The following MAP1S variants were observed in gnomAD, a reference collection of about 807,000 sequenced individuals.
MAP1S encodes microtubule-associated protein 1S.
In MAP1S, 27 loss-of-function variants were observed where a neutral mutation model predicts 60.9. That is an observed-to-expected ratio of 0.44 (90% CI 0.33 to 0.61). The LOEUF (loss-of-function observed/expected upper bound fraction) is 0.61, where lower values mean the gene tolerates loss of function less well. Ranked by LOEUF, MAP1S falls within the 20% of genes least tolerant of loss-of-function variation. The pLI, the probability that MAP1S is intolerant of heterozygous loss-of-function variation, is 0.03. For synonymous variants in MAP1S, 826 were observed against 694.2 expected (o/e 1.19, Z -2.98); for missense variants, 1,608 against 1,486.6 (o/e 1.08, Z -1.34).
In MAP1S at chr19:17,720,237, G is replaced by T. The variant is rs906893465; in HGVS notation, c.118+617G>T. 9 of 1,388,212 alleles carry T rather than the reference G, an allele frequency of 6.5e-6. No homozygotes were observed. In the South Asian group the frequency reaches 1.4e-4, roughly 22 times the overall value. 86.0% of individuals were successfully genotyped at this position (1,388,212 alleles called of 1,614,324 possible). Reference sequence around the variant, plus strand: ...CGGGCGTGATGCGCCCGTGGGTGGAGATGGGTGTTCATCCCCCATCCCTCG... The same window carrying T: ...CGGGCGTGATGCGCCCGTGGGTGGATATGGGTGTTCATCCCCCATCCCTCG... On this transcript the variant is annotated intron_variant, in intron 1 of 6. Coordinates refer to ENST00000324096, the MANE Select transcript of MAP1S (RefSeq NM_018174.6).
rs1278387330 is a variant in MAP1S at position 17,726,475 on chromosome 19, A to C, written c.1091A>C (p.Gln364Pro). Residue 364 changes from glutamine to proline, a missense_variant, in exon 5 of 7, where the codon CAG becomes CCG. Around this residue, in one of 4 missense-constraint regions of MAP1S, gnomAD observed 1,167 missense variants for 961.4 expected, o/e 1.21. Coordinates refer to ENST00000324096, the MANE Select transcript of MAP1S (RefSeq NM_018174.6). ...GAGCTGGCGCTGAGCCTCCTGGCGC[A>C]GCTGGGCATCACGCCTCTGCCACTC... The part of the protein sequence containing the change: ...EAELALSLLA[Q>P]LGITPLPLSR... 6.5e-7 allele frequency: 1 copy of C among 1,549,746 alleles called. No homozygotes were observed. Among genetic ancestry groups the C allele is most frequent in the Non-Finnish European group, 8.7e-7 (1 of 1,152,818 alleles).
Position 17,726,878 on chromosome 19 carries a change from C to G in MAP1S, c.1494C>G (p.Arg498=). 1 of 1,556,282 alleles carries G rather than the reference C, an allele frequency of 6.4e-7. No homozygotes were observed. Among genetic ancestry groups the G allele is most frequent in the South Asian group, 1.2e-5 (1 of 84,600 alleles). The part of the protein sequence containing the change: ...LATHPRPGQE[R]PGVARKEPAR... ...CCCACCCTAGACCTGGCCAGGAGCGCCCTGGGGTGGCCCGCAAGGAGCCAG... is the reference window on the plus strand; with the variant it reads ...CCCACCCTAGACCTGGCCAGGAGCGGCCTGGGGTGGCCCGCAAGGAGCCAG... The change falls in exon 5 of 7, where the codon CGC becomes CGG. Residue 498 remains arginine (R), a synonymous_variant. Transcript: ENST00000324096.
rs377292486 is a variant in MAP1S, at chr19:17,727,934, C to G, written c.2550C>G (p.Pro850=). 35 of 1,609,068 alleles carry G rather than the reference C, an allele frequency of 2.2e-5. No homozygotes were observed. In the South Asian group the frequency reaches 3.3e-4, roughly 15 times the overall value. ...ICMVDPEMLP[P]KTARQTENVS... ...TGGTGGACCCCGAGATGCTGCCCCC[C>G]AAGACAGCACGGCAAACGGAGAACG... is the stretch of plus-strand genomic sequence containing the variant. The change falls in exon 5 of 7, where the codon CCC becomes CCG. Residue 850 remains proline, a synonymous_variant. Transcript: ENST00000324096. The surrounding 1 kb of genome is among the most constrained non-coding windows in gnomAD (Gnocchi z 4.1).
At chr19:17,721,716 A>C (rs1424434264) in intron 2 of MAP1S, among the ~76,000 whole-genome samples, 1 of 152,168 alleles carries the variant, frequency 6.6e-6, no homozygotes, top group African/African-American at 2.4e-5. Flanking sequence ...TGGAAGGTGG[A>C]GGGGCACTGA....
chr19:17,720,618 C>G, intron 1 of MAP1S: 1 of 1,063,818 alleles, frequency 9.4e-7, no homozygotes, highest in Non-Finnish European at 1.3e-6. Flanking sequence ...GATGGACTTC[C>G]AGGCAGGGGA....
intron 6 of MAP1S, among the ~76,000 whole-genome samples, chr19:17,734,009 G>C (rs2080516711): frequency 6.6e-6 from 1 of 152,154 alleles, no homozygotes; most frequent in African/African-American, 2.4e-5. Context: ...GGGGTCTCAG[G>C]CCAAGGAAGG....
chr19:17,729,020 A>G (rs1262976489), intron 5 of MAP1S: 1 of 152,260 alleles, frequency 6.6e-6, no homozygotes, highest in Non-Finnish European at 1.5e-5. Context: ...TAGAAGCCAC[A>G]ATAAGTAAAA....
rs141215671 is a variant in MAP1S, at chr19:17,729,777, C to G, written c.2788+1605C>G. ...TCCCGGGGTCAAGCGATTCTCCTACCTCAGCCTCCCAAGTAGCTGAGATTA... is the reference window on the plus strand; with the variant it reads ...TCCCGGGGTCAAGCGATTCTCCTACGTCAGCCTCCCAAGTAGCTGAGATTA... On this transcript the variant is annotated intron_variant, in intron 5 of 6. Coordinates refer to ENST00000324096, the MANE Select transcript of MAP1S (RefSeq NM_018174.6). 2.4e-3 allele frequency among the ~76,000 whole-genome samples: 370 copies of G among 152,242 alleles called. 5 individuals carry two copies. Among genetic ancestry groups the G allele is most frequent in the African/African-American group, 8.5e-3 (352 of 41,534 alleles).
chr19:17,727,594 T>A lies in MAP1S; in HGVS notation c.2210T>A (p.Leu737Gln). 1 of 1,607,304 alleles carries A rather than the reference T, an allele frequency of 6.2e-7. No individual in the cohort carries two copies. The highest frequency in any genetic ancestry group is 8.5e-7 in the Non-Finnish European group (1 of 1,179,706). ...TCGGCTTCCCCACACGATGTGGACC[T>A]GTGCCTGGTGTCACCCTGTGAATTT... ...RRSASPHDVDLCLVSPCEFEH... is the reference protein window; with the variant it reads ...RRSASPHDVDQCLVSPCEFEH... The change falls in exon 5 of 7, where the codon CTG becomes CAG. Residue 737 changes from leucine to glutamine, a missense_variant. Physicochemically the swap from Leu to Gln is moderately radical, Grantham distance 113. Around this residue, in one of 4 missense-constraint regions of MAP1S, gnomAD observed 1,167 missense variants for 961.4 expected, o/e 1.21. Transcript: ENST00000324096. The surrounding 1 kb of genome is among the most constrained non-coding windows in gnomAD (Gnocchi z 4.1).
chr19:17,724,260 T>C (rs1161138377), intron 3 of MAP1S, 52 bp downstream of exon 3: 1 of 1,443,602 alleles, frequency 6.9e-7, no homozygotes, highest in South Asian at 1.1e-5. Context: ...ACCCGTGCCT[T>C]CTCTGTCTTC....
rs527334089 is a variant in MAP1S, at chr19:17,732,045, T to A, written c.2789-1148T>A. Among the ~76,000 whole-genome samples, 6 of 152,358 alleles carry A rather than the reference T, an allele frequency of 3.9e-5. No individual in the cohort carries two copies. The East Asian group carries it at 1.2e-3, about 29-fold the overall frequency. On this transcript the variant is annotated intron_variant, in intron 5 of 6. Transcript: ENST00000324096. ...TAGAATTAAATATCTGTGCCTGGCTTTGGTATTAAGACAATTCTGGTCTTA... is the reference window on the plus strand; with the variant it reads ...TAGAATTAAATATCTGTGCCTGGCTATGGTATTAAGACAATTCTGGTCTTA...
chr19:17,726,099 GGCCGGCCCT>G lies in MAP1S; in HGVS notation c.718_726del (p.Arg240_Cys242del). ...GACCTCCGGGGGCTTCCTCAGGCTG[GGCCGGCCCT>G]GCTGCTACATCTTCCCTGGAGGCCT... On this transcript the variant is annotated inframe_deletion, in exon 5 of 7. Transcript: ENST00000324096. 6.2e-7 allele frequency: 1 copy of G among 1,613,900 alleles called. No homozygotes were observed. Among genetic ancestry groups the G allele is most frequent in the Non-Finnish European group, 8.5e-7 (1 of 1,179,942 alleles).
At position 17,733,276 on chromosome 19, in the gene MAP1S, A is replaced by T; in HGVS notation, c.2872A>T (p.Ser958Cys). The T allele has an allele frequency of 1.3e-6, 2 of 1,570,606 alleles. No homozygotes were observed. The highest frequency in any genetic ancestry group is 2.3e-5 in the South Asian group (2 of 85,636). The change falls in exon 6 of 7, where the codon AGC (serine) becomes TGC (cysteine). Residue 958 changes from serine to cysteine, a missense_variant. Physicochemically the swap from Ser to Cys is moderately radical, Grantham distance 112 (BLOSUM62 -1). This residue lies in a region of MAP1S where 1,167 missense variants were observed against 961.4 expected (regional missense o/e 1.21). Transcript: ENST00000324096. ...GGACCTGGCCTACCTGCCCAGCGGGAGCAGCGCCCACCTGGTGGATGAGGA... is the reference window on the plus strand; with the variant it reads ...GGACCTGGCCTACCTGCCCAGCGGGTGCAGCGCCCACCTGGTGGATGAGGA... The part of the protein sequence containing the change: ...YLDLAYLPSG[S>C]SAHLVDEEFF...
intron 1 of MAP1S, 25 bp from the exon 2 acceptor site, chr19:17,720,911 C>T (rs555904762): frequency 6.9e-6 from 11 of 1,587,934 alleles, no homozygotes; most frequent in African/African-American, 1.3e-5. Flanking sequence ...GCTGAACTCC[C>T]GCCTTGATCC....
rs1202286790 is a variant in MAP1S, at chr19:17,726,424, G to A, written c.1040G>A (p.Arg347Gln). The A allele has an allele frequency of 5.1e-6, 8 of 1,566,802 alleles. No homozygotes were observed. Among genetic ancestry groups the A allele is most frequent in the Non-Finnish European group, 6.9e-6 (8 of 1,163,748 alleles). The change falls in exon 5 of 7, where the codon CGG becomes CAG. Residue 347 changes from arginine (R) to glutamine (Q), a missense_variant. Transcript: ENST00000324096. Reference sequence around the variant, plus strand: ...TTCAACGCCTGCGAGGCCGCGTCGCGGCTGGCGCGCGGCGAGGATGAGGCG... The same window carrying A: ...TTCAACGCCTGCGAGGCCGCGTCGCAGCTGGCGCGCGGCGAGGATGAGGCG... The part of the protein sequence containing the change: ...VFFNACEAAS[R>Q]LARGEDEAEL...
intron 1 of MAP1S, chr19:17,720,553 G>C (rs750466831): frequency 1.0e-5 from 15 of 1,445,222 alleles, no homozygotes; most frequent in Non-Finnish European, 1.1e-5. Context: ...AGCACCCGAA[G>C]GTGCTGAGGG....
intron 5 of MAP1S, 23 bp from the exon 6 acceptor site, chr19:17,733,170 C>T (rs1338658534): frequency 6.8e-7 from 1 of 1,475,864 alleles, no homozygotes; most frequent in East Asian, 2.5e-5. Context: ...CTCATCCCTG[C>T]CTCCCCATCC....
chr19:17,727,959 G>C lies in MAP1S; in HGVS notation c.2575G>C (p.Val859Leu). ...CAAGACAGCACGGCAAACGGAGAACGTCAGCCGCACCCGGAAGCCCCTGGC... is the reference window on the plus strand; with the variant it reads ...CAAGACAGCACGGCAAACGGAGAACCTCAGCCGCACCCGGAAGCCCCTGGC... ...PPKTARQTEN[V>L]SRTRKPLARP... is the part of the protein sequence containing the mutation. Residue 859 changes from valine to leucine, a missense_variant, in exon 5 of 7, where the codon GTC (valine) becomes CTC (leucine). Coordinates refer to ENST00000324096, the MANE Select transcript of MAP1S (RefSeq NM_018174.6). This position sits in a 1 kb window ranked among gnomAD's most constrained non-coding sequence, Gnocchi z 4.1. The C allele has an allele frequency of 6.2e-7, 1 of 1,607,362 alleles. No individual in the cohort carries two copies. The highest frequency in any genetic ancestry group is 1.1e-5 in the South Asian group (1 of 90,706).
Position 17,720,924 on chromosome 19 carries a change from C to G in MAP1S, c.119-12C>G. 1 of 1,607,818 alleles carries G rather than the reference C, an allele frequency of 6.2e-7. No homozygotes were observed. The highest frequency in any genetic ancestry group is 1.1e-5 in the South Asian group (1 of 90,940). Reference sequence around the variant, plus strand: ...CGGCTGAACTCCCGCCTTGATCCCTCCTTCCCACCAGGCATCCGGTCTTGG... The same window carrying G: ...CGGCTGAACTCCCGCCTTGATCCCTGCTTCCCACCAGGCATCCGGTCTTGG... On this transcript the variant is annotated splice_polypyrimidine_tract_variant and intron_variant, in intron 1 of 6. Coordinates refer to ENST00000324096, the MANE Select transcript of MAP1S (RefSeq NM_018174.6).
Sources: gnomAD v4.1 joint callset for allele counts (sites outside exome capture counted in the v4.1 genomes callset) on GRCh38, gnomAD v4.1.1 for gene constraint, gnomAD v4.1.1 regional missense constraint, Gnocchi (gnomAD v3.1) non-coding constraint, MANE v1.5 for transcripts, NCBI Gene and HGNC (gene_info 2026-07-23, HGNC 2026-07-21) for gene names.